The following CCDC178 variants were observed in gnomAD, a reference collection of about 807,000 sequenced individuals.
CCDC178 encodes coiled-coil domain containing 178, also known as coiled-coil domain-containing protein 178.
Under a neutral mutation model 117.4 loss-of-function variants are expected in CCDC178, and 126 were observed. The observed-to-expected ratio is 1.07, with a 90% CI of 0.93 to 1.24. The LOEUF is 1.24. CCDC178 is among the 50% of genes most tolerant of loss of function. The pLI is 0.00. For missense variants in CCDC178, 1,030 were observed against 986.9 expected, an observed-to-expected ratio of 1.04 and a Z score of -0.59; for synonymous variants, 283 against 313.4, an observed-to-expected ratio of 0.90 and a Z score of 1.02.
intron 2 of CCDC178, among the ~76,000 whole-genome samples, chr18:33,425,872 C>T (rs2064116590): frequency 6.6e-6 from 1 of 152,074 alleles, no homozygotes; most frequent in Non-Finnish European, 1.5e-5. Context: ...GTTCTACAGC[C>T]AGTAGAAAAA....
intron 20 of CCDC178, among the ~76,000 whole-genome samples, chr18:33,157,829 C>T (rs780056059): frequency 6.6e-6 from 1 of 152,096 alleles, no homozygotes; most frequent in Non-Finnish European, 1.5e-5. Flanking sequence ...GAGCAGGGGC[C>T]GCTTTCTGCT....
intron 21 of CCDC178, among the ~76,000 whole-genome samples, chr18:33,039,900 T>C (rs2056515695): frequency 6.6e-6 from 1 of 151,924 alleles, no homozygotes; most frequent in African/African-American, 2.4e-5. Flanking sequence ...TTTCACTCTA[T>C]TCATCCCACA....
intron 9 of CCDC178, among the ~76,000 whole-genome samples, chr18:33,336,241 G>A (rs1245772310): frequency 2.0e-5 from 3 of 152,008 alleles, no homozygotes; most frequent in Non-Finnish European, 2.9e-5. Context: ...GTAGACCTTT[G>A]GATTCTCATT....
At position 32,980,056 on chromosome 18, in the gene CCDC178, T is replaced by G. The variant is rs565674237; in HGVS notation, c.2389-5375A>C. ...AAAATAAAAGTAAAGTAGATTGAAA[T>G]GAGGAAAGTTAATCTTTAACAATTT... On this transcript the variant is annotated intron_variant, in intron 21 of 22. Transcript: ENST00000383096. Among the ~76,000 whole-genome samples, 171 of 152,224 alleles carry G rather than the reference T, an allele frequency of 1.1e-3. 3 individuals carry two copies. The South Asian group carries it at 0.035, about 31-fold the overall frequency.
chr18:33,415,522 A>C (rs1192779474), intron 2 of CCDC178, among the ~76,000 whole-genome samples: 1 of 145,146 alleles, frequency 6.9e-6, no homozygotes, highest in Non-Finnish European at 1.5e-5. Context: ...GGACACAGGA[A>C]GGGGGACATC....
intron 6 of CCDC178, among the ~76,000 whole-genome samples, chr18:33,358,930 C>T: frequency 6.6e-6 from 1 of 151,750 alleles, no homozygotes. Flanking sequence ...TGGCATTTTG[C>T]AGAGAAGAGA....
intron 20 of CCDC178, among the ~76,000 whole-genome samples, chr18:33,176,000 G>A (rs1351184018): frequency 6.6e-6 from 1 of 151,572 alleles, no homozygotes; most frequent in Admixed American, 6.6e-5. Context: ...ATCTCCACCA[G>A]GACACCTATG....
chr18:33,209,760 C>T (rs2059085601), intron 20 of CCDC178, among the ~76,000 whole-genome samples: 1 of 151,988 alleles, frequency 6.6e-6, no homozygotes, highest in Non-Finnish European at 1.5e-5. Context: ...CAAGAGCTAT[C>T]CAAGAAACTG....
intron 5 of CCDC178, among the ~76,000 whole-genome samples, chr18:33,388,749 G>C (rs1023771208): frequency 5.3e-5 from 8 of 151,396 alleles, no homozygotes; most frequent in Admixed American, 5.3e-4. Flanking sequence ...TCGATCTCCT[G>C]ACCTCGTGAT....
chr18:33,304,137 A>G (rs1342821405), intron 11 of CCDC178, among the ~76,000 whole-genome samples: 2 of 152,214 alleles, frequency 1.3e-5, no homozygotes, highest in African/African-American at 4.8e-5. Context: ...GCTGCATAAA[A>G]AGTATAACCA....
intron 21 of CCDC178, among the ~76,000 whole-genome samples, chr18:33,044,814 ATAC>A (rs2056613318): frequency 6.6e-6 from 1 of 152,204 alleles, no homozygotes; most frequent in Non-Finnish European, 1.5e-5. Flanking sequence ...CTACAGTGGA[ATAC>A]TACTGATGGA....
At chr18:33,189,374 T>C (rs2058831133) in intron 20 of CCDC178, among the ~76,000 whole-genome samples, 2 of 152,186 alleles carry the variant, frequency 1.3e-5, no homozygotes, top group South Asian at 4.1e-4. Context: ...ATTGCAATTA[T>C]GGCTATTTCT....
chr18:33,066,121 A>G (rs963996262), intron 21 of CCDC178, among the ~76,000 whole-genome samples: 1 of 152,068 alleles, frequency 6.6e-6, no homozygotes, highest in African/African-American at 2.4e-5. Flanking sequence ...TCGGCCTCCC[A>G]AAGTGCTGGG....
chr18:33,002,344 C>A (rs1479036752), intron 21 of CCDC178, among the ~76,000 whole-genome samples: 1 of 150,932 alleles, frequency 6.6e-6, no homozygotes, highest in Non-Finnish European at 1.5e-5. Flanking sequence ...TCTGACCAGA[C>A]CACAATGAAA....
chr18:33,367,066 G>T (rs1236351564), intron 6 of CCDC178, among the ~76,000 whole-genome samples: 1 of 151,928 alleles, frequency 6.6e-6, no homozygotes, highest in African/African-American at 2.4e-5. Context: ...AGTATTTTCT[G>T]CAGGTAATTA....
intron 21 of CCDC178, among the ~76,000 whole-genome samples, chr18:32,982,185 C>T (rs1236841712): frequency 6.6e-6 from 1 of 151,898 alleles, no homozygotes; most frequent in African/African-American, 2.4e-5. Context: ...ATTAACTCCC[C>T]AAAGCACATC....
chr18:33,291,887 G>A (rs375950215), intron 12 of CCDC178, among the ~76,000 whole-genome samples: 25 of 152,110 alleles, frequency 1.6e-4, no homozygotes, highest in African/African-American at 5.8e-4. Context: ...AGTTAGAATG[G>A]GTACTATCAA....
chr18:33,005,119 T>C (rs2055721027), intron 21 of CCDC178, among the ~76,000 whole-genome samples: 1 of 152,106 alleles, frequency 6.6e-6, no homozygotes, highest in Non-Finnish European at 1.5e-5. Context: ...GCTAGATATA[T>C]ACCCGAAAGA....
intron 21 of CCDC178, among the ~76,000 whole-genome samples, chr18:33,042,170 C>T (rs2056561027): frequency 6.6e-6 from 1 of 151,756 alleles, no homozygotes; most frequent in Non-Finnish European, 1.5e-5. Context: ...GTACTAATTG[C>T]CAGTTGGAAG....
Sources: allele counts gnomAD v4.1 joint callset (sites outside exome capture counted in the v4.1 genomes callset), GRCh38; gene constraint gnomAD v4.1.1; transcripts MANE v1.5; gene names NCBI Gene and HGNC (gene_info 2026-07-23, HGNC 2026-07-21).